Variants in MACROD2 observed in about 807,000 individuals in gnomAD.
The protein encoded by MACROD2 is ADP-ribose glycohydrolase MACROD2.
In MACROD2, 36 loss-of-function variants were observed where a neutral mutation model predicts 70.4. The ratio of observed to expected loss-of-function variants is 0.51; its 90% CI spans 0.39 to 0.68. The LOEUF is 0.68. Ranked by LOEUF, MACROD2 falls within the 30% of genes least tolerant of loss-of-function variation. MACROD2 has a pLI of 0.00. For missense variants in MACROD2, 496 were observed against 538.4 expected (o/e 0.92, Z 0.78); for synonymous variants, 172 against 178.8 (o/e 0.96, Z 0.30).
At position 15,051,876 on chromosome 20, in the gene MACROD2, C is replaced by T. The variant is rs572504860; in HGVS notation, c.419-178064C>T. ...AAGCCATTCTCCTGCCTCAGCCTGT[C>T]GAGTAGCTGGGACTACAGGCACGCG... On this transcript the variant is annotated intron_variant, in intron 5 of 17. Coordinates refer to ENST00000684519, the MANE Select transcript of MACROD2 (RefSeq NM_001351661.2). Among the ~76,000 whole-genome samples, 7 of 151,674 alleles carry T rather than the reference C, an allele frequency of 4.6e-5. No individual in the cohort carries two copies. The South Asian group carries it at 1.0e-3, about 23-fold the overall frequency.
intron 3 of MACROD2, among the ~76,000 whole-genome samples, chr20:14,266,374 A>T (rs1271988702): frequency 6.6e-6 from 1 of 152,142 alleles, no homozygotes; most frequent in East Asian, 1.9e-4. Flanking sequence ...TAAGCCTTTG[A>T]GAGGAATCAG....
chr20:15,582,474 A>G (rs1326199931), intron 8 of MACROD2, among the ~76,000 whole-genome samples: 1 of 152,204 alleles, frequency 6.6e-6, no homozygotes. Flanking sequence ...ATTTGGTTGT[A>G]TATCTGTAAC....
intron 5 of MACROD2, among the ~76,000 whole-genome samples, chr20:14,793,473 C>T (rs1218672740): frequency 6.6e-6 from 1 of 151,316 alleles, no homozygotes; most frequent in Non-Finnish European, 1.5e-5. Context: ...TTTTCTGGCT[C>T]ATTTGTCCCT....
chr20:14,931,217 G>A (rs538594176), intron 5 of MACROD2, among the ~76,000 whole-genome samples: 427 of 152,142 alleles, frequency 2.8e-3, no homozygotes, highest in Non-Finnish European at 3.6e-3. Context: ...TAAGAGACCC[G>A]GAGCCAGTGA....
intron 3 of MACROD2, among the ~76,000 whole-genome samples, chr20:14,157,616 C>T (rs1292437153): frequency 6.6e-6 from 1 of 152,082 alleles, no homozygotes; most frequent in African/African-American, 2.4e-5. Flanking sequence ...ATGAGATAAA[C>T]TTCATGAGTA....
chr20:14,955,937 T>C (rs1367891965), intron 5 of MACROD2, among the ~76,000 whole-genome samples: 1 of 152,162 alleles, frequency 6.6e-6, no homozygotes, highest in African/African-American at 2.4e-5. Flanking sequence ...TTAACCATAT[T>C]TAGAATCCTA....
At chr20:14,566,269 C>G (rs1170693884) in intron 4 of MACROD2, among the ~76,000 whole-genome samples, 2 of 151,850 alleles carry the variant, frequency 1.3e-5, no homozygotes, top group Non-Finnish European at 2.9e-5. Context: ...TGAAAATATG[C>G]TTCTGCATTA....
At chr20:15,749,807 G>T (rs749100572) in intron 8 of MACROD2, among the ~76,000 whole-genome samples, 1 of 152,000 alleles carries the variant, frequency 6.6e-6, no homozygotes, top group Non-Finnish European at 1.5e-5. Context: ...TCGAAAGGCA[G>T]AAGAAGGAGA....
chr20:16,047,319 G>A (rs933238340), intron 17 of MACROD2, among the ~76,000 whole-genome samples: 18 of 152,152 alleles, frequency 1.2e-4, no homozygotes, highest in Admixed American at 3.3e-4. Context: ...AATGTTTGGC[G>A]TTGTATAATT....
At chr20:15,339,741 T>C (rs934398908) in intron 6 of MACROD2, among the ~76,000 whole-genome samples, 1 of 151,854 alleles carries the variant, frequency 6.6e-6, no homozygotes, top group African/African-American at 2.4e-5. Context: ...GAAAATTTAA[T>C]TGGAAATATT....
chr20:15,287,267 T>C (rs2077500576), intron 6 of MACROD2, among the ~76,000 whole-genome samples: 1 of 152,354 alleles, frequency 6.6e-6, no homozygotes, highest in South Asian at 2.1e-4. Context: ...ATTGTATACA[T>C]GTGCTTTGTC....
At chr20:15,713,357 G>A (rs1295922140) in intron 8 of MACROD2, among the ~76,000 whole-genome samples, 1 of 152,182 alleles carries the variant, frequency 6.6e-6, no homozygotes, top group East Asian at 1.9e-4. Context: ...CTCTGTATTA[G>A]TCTGTTCTCA....
chr20:14,186,674 A>G (rs990870172), intron 3 of MACROD2, among the ~76,000 whole-genome samples: 5 of 152,172 alleles, frequency 3.3e-5, no homozygotes, highest in African/African-American at 1.2e-4. Flanking sequence ...CTATTACAAT[A>G]GCAAAGACAT....
rs145042615 is a variant in MACROD2 at position 15,281,635 on chromosome 20, C to T, written c.540+51574C>T. On this transcript the variant is annotated intron_variant, in intron 6 of 17. Transcript: ENST00000684519. ...TGATGCAAGAGGTGGGCTCCCAAGG[C>T]CTTGGGCAGCTACAGCCCTATGCCT... is the stretch of plus-strand genomic sequence containing the variant. Among the ~76,000 whole-genome samples, 428 of 152,326 alleles carry T rather than the reference C, an allele frequency of 2.8e-3. 2 individuals carry two copies. Among genetic ancestry groups the T allele is most frequent in the African/African-American group, 9.5e-3 (396 of 41,568 alleles).
intron 8 of MACROD2, among the ~76,000 whole-genome samples, chr20:15,639,547 C>T (rs1179802795): frequency 6.6e-6 from 1 of 152,170 alleles, no homozygotes; most frequent in East Asian, 1.9e-4. Context: ...GCTGTGGCCA[C>T]CCCTGCAGAG....
intron 8 of MACROD2, among the ~76,000 whole-genome samples, chr20:15,851,665 A>C (rs560200839): frequency 2.4e-4 from 37 of 152,288 alleles, no homozygotes; most frequent in Admixed American, 2.1e-3. Context: ...TGGAGGAGAC[A>C]CACTTTGGCC....
rs1001761845 is a variant in MACROD2 at position 14,326,695 on chromosome 20, C to T, written c.272-166784C>T. ...GGACATATCCAGTCGATAGAGCTGC[C>T]TTAGATAAGAAAAAGCATTTGGGGG... is the stretch of plus-strand genomic sequence containing the variant. On this transcript the variant is annotated intron_variant, in intron 3 of 17. Coordinates refer to ENST00000684519, the MANE Select transcript of MACROD2 (RefSeq NM_001351661.2). This position sits in a 1 kb window ranked among gnomAD's most constrained non-coding sequence, Gnocchi z 5.5. The T allele has an allele frequency of 2.5e-6, 4 of 1,613,586 alleles. No individual in the cohort carries two copies. The highest frequency in any genetic ancestry group is 3.4e-6 in the Non-Finnish European group (4 of 1,179,826).
At chr20:14,470,776 A>G (rs1340526475) in intron 3 of MACROD2, among the ~76,000 whole-genome samples, 10 of 152,026 alleles carry the variant, frequency 6.6e-5, no homozygotes, top group Admixed American at 4.6e-4. Flanking sequence ...CCCTTCCCCC[A>G]CCAAGCTCGA....
chr20:15,153,535 A>G (rs2076286300), intron 5 of MACROD2, among the ~76,000 whole-genome samples: 1 of 152,188 alleles, frequency 6.6e-6, no homozygotes, highest in Non-Finnish European at 1.5e-5. Flanking sequence ...AAATTAGTGT[A>G]ACTTCCTAGA....
Sources: allele counts gnomAD v4.1 joint callset (sites outside exome capture counted in the v4.1 genomes callset), GRCh38; gene constraint gnomAD v4.1.1; non-coding constraint Gnocchi (gnomAD v3.1); transcripts MANE v1.5; gene names NCBI Gene and HGNC (gene_info 2026-07-23, HGNC 2026-07-21).